Variants in DLAT observed in about 807,000 individuals in gnomAD.
The protein encoded by DLAT is dihydrolipoamide S-acetyltransferase.
DLAT carries 43 observed loss-of-function variants against 68.0 expected under a neutral mutation model. The ratio of observed to expected loss-of-function variants is 0.63; its 90% CI spans 0.50 to 0.81. The LOEUF is 0.81. Among genes scored for constraint, DLAT ranks in the 40% least tolerant of loss-of-function variants. The pLI is 0.00. For synonymous variants in DLAT, 265 were observed against 288.6 expected (o/e 0.92, Z 0.83); for missense variants, 745 against 815.4 (o/e 0.91, Z 1.05).
intron 7 of DLAT, among the ~76,000 whole-genome samples, chr11:112,041,876 C>T (rs587735931): frequency 2.7e-5 from 4 of 150,272 alleles, no homozygotes; most frequent in South Asian, 2.1e-4. Flanking sequence ...AGCAAGACTC[C>T]GTCTCAAAGA....
intron 11 of DLAT, among the ~76,000 whole-genome samples, chr11:112,057,400 G>T (rs984004915): frequency 2.0e-5 from 3 of 152,230 alleles, no homozygotes; most frequent in African/African-American, 7.2e-5. Context: ...AGCCAAGATC[G>T]GTTGAAAGCT....
At chr11:112,034,338 G>A (rs1467808263) in intron 5 of DLAT, among the ~76,000 whole-genome samples, 1 of 151,940 alleles carries the variant, frequency 6.6e-6, no homozygotes, top group African/African-American at 2.4e-5. Flanking sequence ...TAGAATGTAT[G>A]TGTGTAATAT....
At chr11:112,029,865 A>G in intron 4 of DLAT, 1 of 618,432 alleles carries the variant, frequency 1.6e-6, no homozygotes. Context: ...AGATCACCAC[A>G]GTAGTTTGGG....
chr11:112,036,071 G>T (rs1862708901), intron 5 of DLAT, among the ~76,000 whole-genome samples: 1 of 150,382 alleles, frequency 6.6e-6, no homozygotes, highest in African/African-American at 2.4e-5. Context: ...GATAACAGGC[G>T]TGAGCCACCG....
In DLAT at chr11:112,028,913, G is replaced by C; in HGVS notation, c.628G>C (p.Ala210Pro). ...TASPPTPSAQAPGSSYPPHMQ... is the reference protein window; with the variant it reads ...TASPPTPSAQPPGSSYPPHMQ... ...TTCGCCACCTACACCTTCTGCTCAG[G>C]CTCCTGGTAGCTCATATCCCCCTCA... Residue 210 changes from alanine to proline, a missense_variant, in exon 4 of 14, where the codon GCT becomes CCT. Coordinates refer to ENST00000280346, the MANE Select transcript of DLAT (RefSeq NM_001931.5). 3 of 1,614,104 alleles carry C rather than the reference G, an allele frequency of 1.9e-6. No homozygotes were observed. The highest frequency in any genetic ancestry group is 2.5e-6 in the Non-Finnish European group (3 of 1,180,020).
At chr11:112,043,576 A>G in intron 8 of DLAT, 43 bp downstream of exon 8, 1 of 1,492,542 alleles carries the variant, frequency 6.7e-7, no homozygotes, top group Non-Finnish European at 9.4e-7. Context: ...GTTTGTCTCT[A>G]CAGCCTGTTA....
At position 112,064,111 on chromosome 11, in the gene DLAT, G is replaced by T; in HGVS notation, c.*1576G>T. The T allele has an allele frequency of 1.5e-6, 2 of 1,372,648 alleles. No individual in the cohort carries two copies. The highest frequency in any genetic ancestry group is 2.0e-6 in the Non-Finnish European group (2 of 1,017,932). 85.0% of individuals were successfully genotyped at this position (1,372,648 alleles called of 1,614,324 possible). A position where few individuals can be genotyped will look rare whatever the true frequency, so the allele number is the denominator to read the frequency against. On this transcript the variant is annotated 3_prime_UTR_variant, in exon 14 of 14. Coordinates refer to ENST00000280346, the MANE Select transcript of DLAT (RefSeq NM_001931.5). ...ATTTTAGGTTGAAGATTATCCAAAAGAAACAAGCTTATCACAAGGGACCAT... is the reference window on the plus strand; with the variant it reads ...ATTTTAGGTTGAAGATTATCCAAAATAAACAAGCTTATCACAAGGGACCAT...
chr11:112,055,332 C>T (rs377095854), intron 11 of DLAT, among the ~76,000 whole-genome samples: 29 of 150,868 alleles, frequency 1.9e-4, no homozygotes, highest in African/African-American at 6.6e-4. Context: ...CAACCTCCGC[C>T]TCGTGGGTTC....
chr11:112,058,823 T>A (rs1344796716), intron 11 of DLAT, among the ~76,000 whole-genome samples: 1 of 152,144 alleles, frequency 6.6e-6, no homozygotes, highest in Non-Finnish European at 1.5e-5. Flanking sequence ...ATAGCCATTA[T>A]TAGACCTGCA....
chr11:112,053,915 G>A (rs996858875), intron 11 of DLAT, among the ~76,000 whole-genome samples: 1 of 151,836 alleles, frequency 6.6e-6, no homozygotes, highest in Non-Finnish European at 1.5e-5. Context: ...TCCAGTCTTG[G>A]GACTAGAGAG....
rs587645678 is a variant in DLAT, at chr11:112,059,111, A to G, written c.1515-792A>G. Among the ~76,000 whole-genome samples, 140 of 151,354 alleles carry G rather than the reference A, an allele frequency of 9.2e-4. 1 individual carries two copies. The highest frequency in any genetic ancestry group is 3.1e-3 in the African/African-American group (126 of 41,260). On this transcript the variant is annotated intron_variant, in intron 11 of 13. Coordinates refer to ENST00000280346, the MANE Select transcript of DLAT (RefSeq NM_001931.5). ...ACGTTCTTCTGAGGTACCACCACCC[A>G]TGTATCCTGAGCACTCCTATTTCTT...
At chr11:112,055,235 A>ATTTTTT (rs66865041) in intron 11 of DLAT, among the ~76,000 whole-genome samples, 2 of 75,444 alleles carry the variant, frequency 2.7e-5, no homozygotes, top group East Asian at 4.0e-4. Context: ...GTCAAGGCCT[A>ATTTTTT]TTTTTTTTTT....
chr11:112,052,377 T>TG (rs150898164), intron 11 of DLAT, among the ~76,000 whole-genome samples: 3,800 of 152,306 alleles, frequency 0.025, 165 homozygotes, highest in African/African-American at 0.087. Flanking sequence ...TCACTTCAGA[T>TG]GCCAGTCAAA....
chr11:112,027,820 G>A (rs781878436), intron 2 of DLAT, among the ~76,000 whole-genome samples: 188 of 152,290 alleles, frequency 1.2e-3, no homozygotes, highest in Non-Finnish European at 2.5e-3. Context: ...GAATCAGGCA[G>A]GGAGGTTGCA....
At chr11:112,027,920 A>ACCGTG (rs1555179564) in intron 2 of DLAT, among the ~76,000 whole-genome samples, 3 of 147,840 alleles carry the variant, frequency 2.0e-5, no homozygotes, top group Admixed American at 6.7e-5. Context: ...CCGTGGGGAG[A>ACCGTG]GGGAGAGGGA....
At chr11:112,038,303 A>G (rs1179198333) in intron 6 of DLAT, among the ~76,000 whole-genome samples, 2 of 151,856 alleles carry the variant, frequency 1.3e-5, no homozygotes, top group African/African-American at 2.4e-5. Flanking sequence ...GGTTCAAGCA[A>G]TTCTCCTGCC....
chr11:112,064,398 G>T lies in DLAT; in HGVS notation c.*1863G>T. ...TAAAGTATAAATCTTCAATATGTCT[G>T]GTTTAATTTTTGGTCTGTTGGTAAT... On this transcript the variant is annotated 3_prime_UTR_variant, in exon 14 of 14. Coordinates refer to ENST00000280346, the MANE Select transcript of DLAT (RefSeq NM_001931.5). 1.8e-6 allele frequency: 1 copy of T among 557,766 alleles called. No homozygotes were observed. Among genetic ancestry groups the T allele is most frequent in the Non-Finnish European group, 3.0e-6 (1 of 331,826 alleles). The allele number at this position is 557,766 out of a possible 1,614,324, so 34.6% of individuals were successfully genotyped here. A position where few individuals can be genotyped will look rare whatever the true frequency, so the allele number is the denominator to read the frequency against.
At chr11:112,048,609 C>T (rs782324537) in intron 10 of DLAT, among the ~76,000 whole-genome samples, 1 of 152,208 alleles carries the variant, frequency 6.6e-6, no homozygotes, top group African/African-American at 2.4e-5. Context: ...TCTTGGCTTA[C>T]TGCAACCTCC....
At chr11:112,039,817 A>G (rs1471527476) in intron 7 of DLAT, among the ~76,000 whole-genome samples, 3 of 152,174 alleles carry the variant, frequency 2.0e-5, no homozygotes, top group Non-Finnish European at 4.4e-5. Flanking sequence ...TTCATATAAA[A>G]CAGAACTAGA....
Sources: allele counts gnomAD v4.1 joint callset (sites outside exome capture counted in the v4.1 genomes callset), GRCh38; gene constraint gnomAD v4.1.1; transcripts MANE v1.5; gene names NCBI Gene and HGNC (gene_info 2026-07-23, HGNC 2026-07-21).